The following ANKRD6 variants were observed in gnomAD, a reference collection of about 807,000 sequenced individuals.
ANKRD6 encodes the protein ankyrin repeat domain-containing protein 6.
Under a neutral mutation model 82.3 loss-of-function variants are expected in ANKRD6, and 56 were observed. The ratio of observed to expected loss-of-function variants is 0.68; its 90% confidence interval spans 0.55 to 0.85. The LOEUF (loss-of-function observed/expected upper bound fraction) is 0.85. ANKRD6 is among the 40% of genes least tolerant of loss of function. The pLI is 0.00. For missense variants in ANKRD6, 852 were observed against 907.6 expected, an observed-to-expected ratio of 0.94 and a Z score of 0.79; for synonymous variants, 347 against 352.1, an observed-to-expected ratio of 0.99 and a Z score of 0.16.
intron 1 of ANKRD6, among the ~76,000 whole-genome samples, chr6:89,528,184 G>T (rs1419056170): frequency 2.0e-5 from 3 of 152,202 alleles, no homozygotes; most frequent in Non-Finnish European, 4.4e-5. Flanking sequence ...AGATTTCTCT[G>T]TAGCATGTGA....
At chr6:89,444,730 G>A (rs1179823833) in intron 1 of ANKRD6, among the ~76,000 whole-genome samples, 1 of 152,174 alleles carries the variant, frequency 6.6e-6, no homozygotes, top group Non-Finnish European at 1.5e-5. Context: ...CACTTTGGGA[G>A]GTTGAGGTGG....
chr6:89,550,943 C>CA (rs896229960), intron 1 of ANKRD6, among the ~76,000 whole-genome samples: 15 of 151,538 alleles, frequency 9.9e-5, no homozygotes, highest in African/African-American at 3.4e-4. Context: ...GCGACAGAGA[C>CA]AAAAAATAAA....
chr6:89,529,909 A>G (rs1017714041), intron 1 of ANKRD6, among the ~76,000 whole-genome samples: 7 of 152,202 alleles, frequency 4.6e-5, no homozygotes, highest in African/African-American at 1.7e-4. Context: ...CAATTACAGT[A>G]GTAACATAAA....
intron 4 of ANKRD6, among the ~76,000 whole-genome samples, chr6:89,604,430 A>G (rs906893527): frequency 8.6e-5 from 13 of 152,024 alleles, no homozygotes; most frequent in Non-Finnish European, 1.6e-4. Flanking sequence ...TTAAAACACA[A>G]AACTTCACAA....
intron 3 of ANKRD6, chr6:89,598,153 C>A (rs1022720923): frequency 2.0e-6 from 2 of 985,222 alleles, no homozygotes; most frequent in African/African-American, 3.5e-5. Context: ...CTCCAGTGGC[C>A]TGGAGTGGGA....
At position 89,632,128 on chromosome 6, in the gene ANKRD6, C is replaced by T. The variant is rs866980048; in HGVS notation, c.*1124C>T. On this transcript the variant is annotated 3_prime_UTR_variant, in exon 16 of 16. Transcript: ENST00000339746. ...GGAATATGGGATTTATATTCATCTC[C>T]TCAATATCCCATGTATGCACAGAAA... is the stretch of plus-strand genomic sequence containing the variant. The T allele has an allele frequency of 3.3e-5, 5 of 152,082 alleles. No homozygotes were observed. Among genetic ancestry groups the T allele is most frequent in the African/African-American group, 1.2e-4 (5 of 41,416 alleles). 9.4% of individuals were successfully genotyped at this position (152,082 alleles called of 1,614,324 possible).
Position 89,560,393 on chromosome 6 carries a change from A to G in ANKRD6, c.-143-6441A>G, listed in dbSNP as rs116578255. The stretch of plus-strand genomic sequence containing the variant: ...GTGCAAGCATGAGTGCGCTAATTCT[A>G]TCAGATCAGGGCTCCACCTTTATGA... On this transcript the variant is annotated intron_variant, in intron 1 of 15. Coordinates refer to ENST00000339746, the MANE Select transcript of ANKRD6 (RefSeq NM_001242809.2). 4.6e-3 allele frequency among the ~76,000 whole-genome samples: 695 copies of G among 152,288 alleles called. 9 individuals carry two copies. Among genetic ancestry groups the G allele is most frequent in the African/African-American group, 0.016 (656 of 41,552 alleles).
At chr6:89,606,701 C>A (rs913928884) in intron 5 of ANKRD6, among the ~76,000 whole-genome samples, 2 of 151,888 alleles carry the variant, frequency 1.3e-5, no homozygotes, top group Admixed American at 6.6e-5. Context: ...AATAAAAATA[C>A]AAAAATTATC....
Position 89,500,412 on chromosome 6 carries a change from GGAAT to G in ANKRD6, c.-143-66417_-143-66414del, listed in dbSNP as rs1779137019. 2.0e-5 allele frequency among the ~76,000 whole-genome samples: 3 copies of G among 152,168 alleles called. No homozygotes were observed. The South Asian group carries it at 6.2e-4, about 31-fold the overall frequency. ...CACAGTACAGGCAGCCTCTGGAAATGGAATGAATATACCATGGTTAGAAAAATGC... is the reference window on the plus strand; with the variant it reads ...CACAGTACAGGCAGCCTCTGGAAATGGAATATACCATGGTTAGAAAAATGC... On this transcript the variant is annotated intron_variant, in intron 1 of 15. Transcript: ENST00000339746.
intron 1 of ANKRD6, among the ~76,000 whole-genome samples, chr6:89,496,643 C>T (rs1778661603): frequency 6.6e-6 from 1 of 152,172 alleles, no homozygotes; most frequent in African/African-American, 2.4e-5. Context: ...CTGCCTCAGC[C>T]TCCCGAATAG....
At chr6:89,583,332 A>G (rs555261604) in intron 2 of ANKRD6, among the ~76,000 whole-genome samples, 1 of 152,346 alleles carries the variant, frequency 6.6e-6, no homozygotes, top group Middle Eastern at 3.4e-3. Context: ...CAGGAAATAA[A>G]TGTCTCAAAT....
At chr6:89,461,055 C>A (rs1250894908) in intron 1 of ANKRD6, among the ~76,000 whole-genome samples, 1 of 152,074 alleles carries the variant, frequency 6.6e-6, no homozygotes, top group Non-Finnish European at 1.5e-5. Context: ...CATGTGCCAT[C>A]ATGCCCGGCT....
chr6:89,610,133 G>A (rs554947071), intron 5 of ANKRD6, among the ~76,000 whole-genome samples: 2 of 152,244 alleles, frequency 1.3e-5, no homozygotes, highest in East Asian at 3.9e-4. Context: ...CTAATGTCAG[G>A]TTTTGAGATA....
chr6:89,433,488 G>A lies in ANKRD6; in HGVS notation c.-144+113G>A, dbSNP rs1770209416. Reference sequence around the variant, plus strand: ...GGGCGCTGCTCCCTCGGCACCCCAGGATCGCCGACTGCCCGCGGAGGAGAC... The same window carrying A: ...GGGCGCTGCTCCCTCGGCACCCCAGAATCGCCGACTGCCCGCGGAGGAGAC... On this transcript the variant is annotated intron_variant, in intron 1 of 15. Coordinates refer to ENST00000339746, the MANE Select transcript of ANKRD6 (RefSeq NM_001242809.2). This position sits in a 1 kb window ranked among gnomAD's most constrained non-coding sequence, Gnocchi z 4.3. 6.6e-6 allele frequency: 1 copy of A among 152,270 alleles called. No homozygotes were observed. The highest frequency in any genetic ancestry group is 2.1e-4 in the South Asian group (1 of 4,836). The allele number at this position is 152,270 out of a possible 1,614,324, so 9.4% of individuals were successfully genotyped here.
At chr6:89,619,022 C>T (rs1328920220) in intron 9 of ANKRD6, among the ~76,000 whole-genome samples, 2 of 152,160 alleles carry the variant, frequency 1.3e-5, no homozygotes, top group Non-Finnish European at 1.5e-5. Context: ...GACAACAGCC[C>T]AGGGTTTGGG....
At chr6:89,599,481 T>C (rs1388885218) in intron 3 of ANKRD6, among the ~76,000 whole-genome samples, 8 of 152,220 alleles carry the variant, frequency 5.3e-5, no homozygotes, top group Non-Finnish European at 1.5e-5. Context: ...AGGTATCATA[T>C]GCAAGTAAGA....
At chr6:89,550,573 C>G (rs905428322) in intron 1 of ANKRD6, among the ~76,000 whole-genome samples, 5 of 152,148 alleles carry the variant, frequency 3.3e-5, no homozygotes, top group African/African-American at 1.2e-4. Context: ...TTAGTCTTTT[C>G]TTGACTGAAG....
At chr6:89,443,765 G>C (rs1771718982) in intron 1 of ANKRD6, among the ~76,000 whole-genome samples, 1 of 152,236 alleles carries the variant, frequency 6.6e-6, no homozygotes, top group Non-Finnish European at 1.5e-5. Flanking sequence ...TCTAGATAAA[G>C]TTCTTGTCTC....
intron 1 of ANKRD6, among the ~76,000 whole-genome samples, chr6:89,511,696 A>G (rs1002653210): frequency 6.6e-6 from 1 of 152,200 alleles, no homozygotes; most frequent in African/African-American, 2.4e-5. Context: ...AATGTTTGCT[A>G]TGGCTTTTGA....
Sources: allele counts gnomAD v4.1 joint callset (sites outside exome capture counted in the v4.1 genomes callset), GRCh38; gene constraint gnomAD v4.1.1; non-coding constraint Gnocchi (gnomAD v3.1); transcripts MANE v1.5; gene names NCBI Gene and HGNC (gene_info 2026-07-23, HGNC 2026-07-21).